KALRN: variants seen among roughly 807,000 people sequenced by gnomAD.
The protein encoded by KALRN is kalirin.
In KALRN, 70 loss-of-function variants were observed where a neutral mutation model predicts 353.7. That is an observed-to-expected ratio of 0.20 (90% CI 0.16 to 0.24). KALRN has a LOEUF of 0.24. Ranked by LOEUF, KALRN falls within the 10% of genes least tolerant of loss-of-function variation. The probability of loss-of-function intolerance (pLI) is 1.00; values close to 1 mark genes in which losing one functional copy is unlikely to be tolerated. For missense variants in KALRN, 2,791 were observed against 3,756.7 expected, an observed-to-expected ratio of 0.74 and a Z score of 6.72; for synonymous variants, 1,391 against 1,434.8, an observed-to-expected ratio of 0.97 and a Z score of 0.69.
intron 1 of KALRN, among the ~76,000 whole-genome samples, chr3:124,215,132 C>G (rs2077209520): frequency 6.6e-6 from 1 of 152,120 alleles, no homozygotes; most frequent in Non-Finnish European, 1.5e-5. Context: ...ATGGAGATGC[C>G]CCTGACCATA....
At chr3:124,550,991 A>C (rs532832521) in intron 33 of KALRN, among the ~76,000 whole-genome samples, 1 of 152,186 alleles carries the variant, frequency 6.6e-6, no homozygotes, top group African/African-American at 2.4e-5. Flanking sequence ...TCCGTCTCAA[A>C]ATAAATAAAT....
intron 58 of KALRN, among the ~76,000 whole-genome samples, chr3:124,714,301 T>G (rs2063028942): frequency 6.6e-6 from 1 of 152,202 alleles, no homozygotes; most frequent in Admixed American, 6.5e-5. Context: ...CATCTGTGCT[T>G]GTGTTCCAGT....
chr3:124,239,082 C>T (rs1330602749), intron 3 of KALRN, among the ~76,000 whole-genome samples: 1 of 152,188 alleles, frequency 6.6e-6, no homozygotes, highest in Non-Finnish European at 1.5e-5. Flanking sequence ...CATCCACCTA[C>T]ACTTATCTAA....
chr3:124,226,761 A>G (rs1350234797), intron 1 of KALRN, among the ~76,000 whole-genome samples: 1 of 152,168 alleles, frequency 6.6e-6, no homozygotes, highest in African/African-American at 2.4e-5. Flanking sequence ...TAGAGATTGA[A>G]GGATTGAGTG....
chr3:124,462,319 A>T (rs1280539352), intron 24 of KALRN, among the ~76,000 whole-genome samples: 3 of 152,212 alleles, frequency 2.0e-5, no homozygotes, highest in Admixed American at 6.5e-5. Context: ...GAGACTGTGG[A>T]GTTTGTGTTC....
At chr3:124,654,482 C>T (rs1174107446) in intron 38 of KALRN, among the ~76,000 whole-genome samples, 1 of 152,154 alleles carries the variant, frequency 6.6e-6, no homozygotes, top group Non-Finnish European at 1.5e-5. Flanking sequence ...TACTTGTGCC[C>T]AAAATGCAAT....
intron 58 of KALRN, 65 bp from the exon 59 acceptor site, chr3:124,717,182 A>G (rs972231783): frequency 4.2e-5 from 61 of 1,450,658 alleles, no homozygotes; most frequent in Non-Finnish European, 4.1e-5. Flanking sequence ...TGATTTGTAC[A>G]TGTGTTATTT....
chr3:124,614,319 A>T (rs2078319904), intron 34 of KALRN, among the ~76,000 whole-genome samples: 1 of 150,312 alleles, frequency 6.7e-6, no homozygotes, highest in African/African-American at 2.5e-5. Context: ...CCTTGGCTGG[A>T]GGGCAGTGGC....
chr3:124,171,596 A>G (rs1252268850), intron 1 of KALRN, among the ~76,000 whole-genome samples: 1 of 152,158 alleles, frequency 6.6e-6, no homozygotes, highest in Non-Finnish European at 1.5e-5. Flanking sequence ...CTGAGGGGGT[A>G]GCAAAATAGA....
chr3:124,433,562 C>T (rs1402191150), intron 16 of KALRN, among the ~76,000 whole-genome samples: 1 of 139,612 alleles, frequency 7.2e-6, no homozygotes, highest in Non-Finnish European at 1.5e-5. Context: ...CATTGCACTG[C>T]ACTTCAGCCT....
At chr3:124,103,587 G>T (rs185818063) in intron 1 of KALRN, among the ~76,000 whole-genome samples, 71 of 152,284 alleles carry the variant, frequency 4.7e-4, no homozygotes, top group African/African-American at 1.6e-3. Flanking sequence ...TCCAGGTAGA[G>T]CAGGGAGTGA....
chr3:124,472,470 G>A (rs1211938612), intron 25 of KALRN, among the ~76,000 whole-genome samples: 1 of 152,154 alleles, frequency 6.6e-6, no homozygotes, highest in African/African-American at 2.4e-5. Context: ...CAAGAGGACT[G>A]CTTGAGCACA....
intron 37 of KALRN, among the ~76,000 whole-genome samples, chr3:124,640,339 T>C: frequency 6.9e-6 from 1 of 144,678 alleles, no homozygotes; most frequent in East Asian, 2.1e-4. Flanking sequence ...CAGGCTGGAG[T>C]GCAGCGGCAT....
At chr3:124,185,743 A>G (rs1230204907) in intron 1 of KALRN, among the ~76,000 whole-genome samples, 3 of 152,126 alleles carry the variant, frequency 2.0e-5, no homozygotes, top group Non-Finnish European at 4.4e-5. Context: ...TAAACCTGCA[A>G]AGTAGGTGGG....
intron 9 of KALRN, among the ~76,000 whole-genome samples, chr3:124,335,640 A>C (rs1196527718): frequency 6.6e-6 from 1 of 152,082 alleles, no homozygotes; most frequent in Admixed American, 6.5e-5. Flanking sequence ...TCACCATAGG[A>C]AAACTAAGGA....
intron 1 of KALRN, among the ~76,000 whole-genome samples, chr3:124,127,736 G>A (rs1310413944): frequency 6.6e-6 from 1 of 152,112 alleles, no homozygotes; most frequent in Non-Finnish European, 1.5e-5. Flanking sequence ...ATTATTTTAT[G>A]TAATTGAAAT....
At chr3:124,149,650 T>A (rs1476274062) in intron 1 of KALRN, among the ~76,000 whole-genome samples, 2 of 152,232 alleles carry the variant, frequency 1.3e-5, no homozygotes, top group African/African-American at 2.4e-5. Flanking sequence ...CTTAGTTGTC[T>A]GAGTCTCAGT....
chr3:124,534,182 C>T (rs1327580017), intron 33 of KALRN, among the ~76,000 whole-genome samples: 2 of 152,108 alleles, frequency 1.3e-5, no homozygotes, highest in African/African-American at 4.8e-5. Context: ...AATGTGGAAT[C>T]CTGAATGGGA....
chr3:124,155,415 G>A (rs2068836424), intron 1 of KALRN, among the ~76,000 whole-genome samples: 1 of 152,212 alleles, frequency 6.6e-6, no homozygotes, highest in Non-Finnish European at 1.5e-5. Flanking sequence ...ACTACCTTGA[G>A]TTTGATTGTA....
Sources: gnomAD v4.1 joint callset for allele counts (sites outside exome capture counted in the v4.1 genomes callset) on GRCh38, gnomAD v4.1.1 for gene constraint, MANE v1.5 for transcripts, NCBI Gene and HGNC (gene_info 2026-07-23, HGNC 2026-07-21) for gene names.